Variants in RTL4 observed in about 807,000 individuals in gnomAD.
The protein encoded by RTL4 is retrotransposon Gag-like protein 4.
Under a neutral mutation model 5.3 loss-of-function variants are expected in RTL4, and 4 were observed. The observed-to-expected ratio is 0.75, with a 90% confidence interval of 0.37 to 1.72. The LOEUF (loss-of-function observed/expected upper bound fraction) is 1.72. RTL4 is among the 40% of genes most tolerant of loss of function. The pLI, the probability that RTL4 is intolerant of heterozygous loss-of-function variation, is 0.04. For synonymous variants in RTL4, 98 were observed against 87.3 expected, an observed-to-expected ratio of 1.12 and a Z score of -0.68; for missense variants, 260 against 227.1, an observed-to-expected ratio of 1.14 and a Z score of -0.93.
chrX:112,402,038 C>T, the RTL4 span, among the ~76,000 whole-genome samples: 1 of 111,978 alleles, frequency 8.9e-6, no homozygotes, highest in Non-Finnish European at 1.9e-5. Flanking sequence ...GTTCTTCTAG[C>T]TTAGTGTACC....
chrX:112,230,060 A>G, the RTL4 span, among the ~76,000 whole-genome samples: 2 of 112,349 alleles, frequency 1.8e-5, no homozygotes, highest in Admixed American at 1.9e-4. Context: ...CAAAGCTGTC[A>G]GACAGGGACA....
chrX:112,161,824 C>CTTTCTTTCTTTCTTT, the RTL4 span, among the ~76,000 whole-genome samples: 9 of 38,879 alleles, frequency 2.3e-4, no homozygotes, highest in African/African-American at 8.1e-4. Context: ...TTCCTTCCTT[C>CTTTCTTTCTTTCTTT]CTTCCTTCCT....
the RTL4 span, among the ~76,000 whole-genome samples, chrX:112,395,302 C>A: frequency 9.0e-6 from 1 of 111,573 alleles, no homozygotes; most frequent in Non-Finnish European, 1.9e-5. Flanking sequence ...AAATTTGCTG[C>A]ACTTGTCACA....
chrX:112,425,785 T>G, the RTL4 span, among the ~76,000 whole-genome samples: 2 of 111,867 alleles, frequency 1.8e-5, no homozygotes, highest in African/African-American at 6.5e-5. Context: ...TTTTAAAAAT[T>G]TCCTTATTGT....
At chrX:112,087,097 T>C in the RTL4 span, among the ~76,000 whole-genome samples, 3,994 of 111,182 alleles carry the variant, frequency 0.036, 160 homozygotes, top group African/African-American at 0.11. Context: ...TGCAGAATAT[T>C]GGACCATTGA....
chrX:112,174,560 A>G, the RTL4 span, among the ~76,000 whole-genome samples: 1 of 103,873 alleles, frequency 9.6e-6, no homozygotes, highest in African/African-American at 3.5e-5. Flanking sequence ...ATGTGTCTTT[A>G]TAGCAGCATG....
At chrX:112,439,008 A>T in the RTL4 span, among the ~76,000 whole-genome samples, 3 of 111,765 alleles carry the variant, frequency 2.7e-5, no homozygotes, top group African/African-American at 9.8e-5. Flanking sequence ...TCTGGGGGAA[A>T]CCAATGTCTT....
the RTL4 span, among the ~76,000 whole-genome samples, chrX:112,442,556 T>C: frequency 9.0e-6 from 1 of 111,287 alleles, no homozygotes; most frequent in Non-Finnish European, 1.9e-5. Context: ...GCCTCTTTGC[T>C]GTACATTTCA....
the RTL4 span, among the ~76,000 whole-genome samples, chrX:112,168,235 C>A: frequency 1.8e-5 from 2 of 111,701 alleles, no homozygotes. Flanking sequence ...CCTACTCAAA[C>A]CCTCTGAAAG....
chrX:112,419,338 T>A, the RTL4 span, among the ~76,000 whole-genome samples: 2 of 9,435 alleles, frequency 2.1e-4, no homozygotes, highest in African/African-American at 3.4e-4. Flanking sequence ...TCCATTCAGC[T>A]TTTTTTTTTT....
At chrX:112,183,473 C>G in the RTL4 span, among the ~76,000 whole-genome samples, 4 of 110,970 alleles carry the variant, frequency 3.6e-5, no homozygotes, top group African/African-American at 1.3e-4. Context: ...GAATATTTAC[C>G]AAGCAAATGG....
chrX:112,327,264 T>A, the RTL4 span, among the ~76,000 whole-genome samples: 514 of 110,982 alleles, frequency 4.6e-3, 4 homozygotes, highest in African/African-American at 0.016. Flanking sequence ...TTGAAAAAAA[T>A]TTGGAAGAAT....
chrX:112,417,072 C>T, the RTL4 span, among the ~76,000 whole-genome samples: 4 of 111,279 alleles, frequency 3.6e-5, no homozygotes, highest in Admixed American at 2.9e-4. Flanking sequence ...AATTAGAGAC[C>T]GAAAGAGCTT....
chrX:112,183,344 C>T, the RTL4 span, among the ~76,000 whole-genome samples: 1 of 111,962 alleles, frequency 8.9e-6, no homozygotes, highest in East Asian at 2.8e-4. Context: ...GGGCTAAATG[C>T]CCCAATTAAA....
the RTL4 span, among the ~76,000 whole-genome samples, chrX:112,201,066 G>A: frequency 1.3e-4 from 14 of 111,470 alleles, no homozygotes; most frequent in Non-Finnish European, 2.3e-4. Context: ...CAGCACTGCC[G>A]AGGAGACCTG....
the RTL4 span, among the ~76,000 whole-genome samples, chrX:112,135,476 C>G: frequency 9.0e-6 from 1 of 111,264 alleles, no homozygotes; most frequent in Non-Finnish European, 1.9e-5. Flanking sequence ...CAGTCTATAG[C>G]TTGTCTTTTC....
chrX:112,328,074 G>A, the RTL4 span, among the ~76,000 whole-genome samples: 45 of 108,534 alleles, frequency 4.1e-4, no homozygotes, highest in South Asian at 1.2e-3. Flanking sequence ...AAAGACCATC[G>A]AGACTAGGAA....
At chrX:112,164,926 G>T in the RTL4 span, among the ~76,000 whole-genome samples, 1 of 111,839 alleles carries the variant, frequency 8.9e-6, no homozygotes, top group Admixed American at 9.4e-5. Context: ...TCTCCTGCCG[G>T]ATCTCCTACT....
chrX:112,110,057 G>A, the RTL4 span, among the ~76,000 whole-genome samples: 4 of 112,218 alleles, frequency 3.6e-5, no homozygotes, highest in African/African-American at 1.3e-4. Context: ...CAAGATGGAT[G>A]TCACGGGACC....
Sources: gnomAD v4.1 joint callset for allele counts (sites outside exome capture counted in the v4.1 genomes callset) on GRCh38, gnomAD v4.1.1 for gene constraint, MANE v1.5 for transcripts, NCBI Gene and HGNC (gene_info 2026-07-23, HGNC 2026-07-21) for gene names.